Variants in TBC1D31 observed in about 807,000 individuals in gnomAD.
TBC1D31 encodes TBC1 domain family member 31, also known as WD repeat domain 67.
A neutral mutation model predicts 132.9 loss-of-function variants in TBC1D31; 99 were observed. The ratio of observed to expected loss-of-function variants is 0.74; its 90% CI spans 0.63 to 0.88. The LOEUF (loss-of-function observed/expected upper bound fraction) is 0.88. TBC1D31 is among the 40% of genes least tolerant of loss of function. TBC1D31 has a pLI of 0.00. For synonymous variants in TBC1D31, 385 were observed against 419.4 expected, an observed-to-expected ratio of 0.92 and a Z score of 1.00; for missense variants, 1,134 against 1,256.6, an observed-to-expected ratio of 0.90 and a Z score of 1.48.
At chr8:123,142,209 T>G in intron 18 of TBC1D31, 53 bp from the exon 19 acceptor site, 1 of 1,371,280 alleles carries the variant, frequency 7.3e-7, no homozygotes, top group South Asian at 1.5e-5. Context: ...TATACCTTCA[T>G]TTTATGTACT....
chr8:123,129,149 G>C lies in TBC1D31; in HGVS notation c.2201G>C (p.Arg734Pro). 1 of 1,607,596 alleles carries C rather than the reference G, an allele frequency of 6.2e-7. No individual in the cohort carries two copies. Among genetic ancestry groups the C allele is most frequent in the Non-Finnish European group, 8.5e-7 (1 of 1,175,568 alleles). Reference protein sequence around the residue: ...EAWYQKQELLRKAEETRREML... With the variant: ...EAWYQKQELLPKAEETRREML... The stretch of plus-strand genomic sequence containing the variant: ...TGGTACCAGAAACAGGAGCTGCTTC[G>C]TAAAGCTGAAGAAACAAGAAGAGAA... Residue 734 changes from arginine to proline, a missense_variant, in exon 15 of 22, where the codon CGT becomes CCT. By Grantham distance (103) the Arg-to-Pro change is moderately radical. Transcript: ENST00000287380.
In TBC1D31 at chr8:123,109,308, T is replaced by C. The variant is rs780578173; in HGVS notation, c.1210-9T>C. The C allele has an allele frequency of 8.4e-5, 131 of 1,560,820 alleles. No individual in the cohort carries two copies. The East Asian group carries it at 2.9e-3, about 34-fold the overall frequency. On this transcript the variant is annotated splice_polypyrimidine_tract_variant and intron_variant, in intron 8 of 21. Transcript: ENST00000287380. ...GTGTCATTTATTAATATTGTCTTTTTCTTTGTAGAATGAATTACCAGATGG... is the reference window on the plus strand; with the variant it reads ...GTGTCATTTATTAATATTGTCTTTTCCTTTGTAGAATGAATTACCAGATGG...
At chr8:123,130,618 CTTTTCT>C (rs1051026907) in intron 16 of TBC1D31, among the ~76,000 whole-genome samples, 2 of 148,016 alleles carry the variant, frequency 1.4e-5, no homozygotes, top group African/African-American at 2.5e-5. Flanking sequence ...TTTTTCTTTT[CTTTTCT>C]TTTTTTTTTT....
At chr8:123,125,241 A>G (rs1319139329) in intron 11 of TBC1D31, among the ~76,000 whole-genome samples, 1 of 152,258 alleles carries the variant, frequency 6.6e-6, no homozygotes, top group Non-Finnish European at 1.5e-5. Flanking sequence ...TTATTGAACA[A>G]AACAAACCGA....
At chr8:123,159,079 C>G in the TBC1D31 span, among the ~76,000 whole-genome samples, 1 of 152,080 alleles carries the variant, frequency 6.6e-6, no homozygotes, top group African/African-American at 2.4e-5. Flanking sequence ...TCACCTAGAT[C>G]CAGCTGTTTC....
chr8:123,155,083 C>T (rs1340232031), downstream of TBC1D31, among the ~76,000 whole-genome samples: 1 of 152,170 alleles, frequency 6.6e-6, no homozygotes, highest in Non-Finnish European at 1.5e-5. This position sits in a 1 kb window ranked among gnomAD's most constrained non-coding sequence, Gnocchi z 4.1. Context: ...AATGTGGACT[C>T]AATGTTGGCC....
intron 4 of TBC1D31, among the ~76,000 whole-genome samples, chr8:123,091,050 G>A (rs1183315631): frequency 1.3e-5 from 2 of 152,164 alleles, no homozygotes; most frequent in African/African-American, 4.8e-5. Context: ...GGATTTTTGT[G>A]TTCTACAAGG....
intron 8 of TBC1D31, among the ~76,000 whole-genome samples, chr8:123,108,630 A>G (rs1395907057): frequency 6.6e-6 from 1 of 152,132 alleles, no homozygotes; most frequent in African/African-American, 2.4e-5. Flanking sequence ...GTTATATATA[A>G]ATATATAATT....
At chr8:123,150,586 C>G (rs1646527602) in intron 21 of TBC1D31, among the ~76,000 whole-genome samples, 1 of 152,180 alleles carries the variant, frequency 6.6e-6, no homozygotes, top group Non-Finnish European at 1.5e-5. Flanking sequence ...CCTGGGCACT[C>G]CGATGGAATT....
rs748134157 is a variant in TBC1D31, at chr8:123,129,149, G to A, written c.2201G>A (p.Arg734His). ...EAWYQKQELL[R>H]KAEETRREML... Reference sequence around the variant, plus strand: ...TGGTACCAGAAACAGGAGCTGCTTCGTAAAGCTGAAGAAACAAGAAGAGAA... The same window carrying A: ...TGGTACCAGAAACAGGAGCTGCTTCATAAAGCTGAAGAAACAAGAAGAGAA... Residue 734 changes from arginine (R) to histidine (H), a missense_variant, in exon 15 of 22, where the codon CGT (arginine) becomes CAT (histidine). Transcript: ENST00000287380. 26 of 1,607,478 alleles carry A rather than the reference G, an allele frequency of 1.6e-5. No homozygotes were observed. The highest frequency in any genetic ancestry group is 1.7e-4 in the Middle Eastern group (1 of 6,050).
chr8:123,122,112 A>T (rs78221692), intron 11 of TBC1D31, among the ~76,000 whole-genome samples: 203 of 152,342 alleles, frequency 1.3e-3, no homozygotes, highest in Non-Finnish European at 2.2e-3. Context: ...TGGTGCAGTC[A>T]CTATGAAAAA....
intron 20 of TBC1D31, among the ~76,000 whole-genome samples, chr8:123,146,688 CT>C (rs973392021): frequency 2.8e-3 from 399 of 144,012 alleles, no homozygotes; most frequent in Middle Eastern, 3.6e-3. Context: ...TTATGCCTAC[CT>C]TTTTTTTTTT....
intron 6 of TBC1D31, 48 bp from the exon 7 acceptor site, chr8:123,100,759 A>T: frequency 2.7e-6 from 4 of 1,456,146 alleles, no homozygotes; most frequent in Non-Finnish European, 3.8e-6. Context: ...GGACTTTCAG[A>T]CATTGACTAT....
chr8:123,086,043 T>C (rs1307435061), intron 4 of TBC1D31, among the ~76,000 whole-genome samples: 1 of 152,188 alleles, frequency 6.6e-6, no homozygotes, highest in Non-Finnish European at 1.5e-5. Context: ...AAATAAATAA[T>C]TCATGTCAAC....
At chr8:123,141,595 G>A (rs968037093) in intron 18 of TBC1D31, among the ~76,000 whole-genome samples, 10 of 152,042 alleles carry the variant, frequency 6.6e-5, no homozygotes, top group East Asian at 1.9e-4. Context: ...TATGTGTACC[G>A]GTCTGCTCCT....
chr8:123,126,412 TTTTCATAGC>T, intron 12 of TBC1D31, 87 bp from the exon 13 acceptor site: 2 of 1,253,890 alleles, frequency 1.6e-6, no homozygotes, highest in Non-Finnish European at 2.2e-6. Context: ...TTTAATATGA[TTTTCATAGC>T]TTAAATCGAA....
chr8:123,136,863 G>A (rs1200093687), intron 17 of TBC1D31, among the ~76,000 whole-genome samples: 1 of 152,178 alleles, frequency 6.6e-6, no homozygotes, highest in East Asian at 1.9e-4. Flanking sequence ...TTAGAGAAGA[G>A]TTAAACTATT....
chr8:123,146,960 C>A (rs62521805), intron 20 of TBC1D31, among the ~76,000 whole-genome samples: 2 of 151,870 alleles, frequency 1.3e-5, no homozygotes. Context: ...TATACCTCAC[C>A]CGGCCAAATC....
intron 7 of TBC1D31, among the ~76,000 whole-genome samples, chr8:123,102,070 A>G (rs868718838): frequency 1.3e-5 from 2 of 152,008 alleles, no homozygotes; most frequent in Non-Finnish European, 1.5e-5. Flanking sequence ...TTCTGCATCT[A>G]TTATCCACAC....
Sources: allele counts gnomAD v4.1 joint callset (sites outside exome capture counted in the v4.1 genomes callset), GRCh38; gene constraint gnomAD v4.1.1; non-coding constraint Gnocchi (gnomAD v3.1); transcripts MANE v1.5; gene names NCBI Gene and HGNC (gene_info 2026-07-23, HGNC 2026-07-21).